Variants in SORCS3 observed in about 807,000 individuals in gnomAD.
SORCS3 encodes sortilin related VPS10 domain containing receptor 3.
Under a neutral mutation model 146.3 loss-of-function variants are expected in SORCS3, and 57 were observed. The observed-to-expected ratio is 0.39, with a 90% CI of 0.31 to 0.49. The LOEUF is 0.49. Among genes scored for constraint, SORCS3 ranks in the 20% least tolerant of loss-of-function variants. The pLI, the probability that SORCS3 is intolerant of heterozygous loss-of-function variation, is 0.92. For synonymous variants in SORCS3, 653 were observed against 618.5 expected (o/e 1.06, Z -0.83); for missense variants, 1,341 against 1,575.5 (o/e 0.85, Z 2.52).
intron 1 of SORCS3, among the ~76,000 whole-genome samples, chr10:104,712,568 A>AC (rs2016431421): frequency 1.3e-5 from 2 of 152,208 alleles, no homozygotes; most frequent in Non-Finnish European, 2.9e-5. Context: ...CTTTCTTGTC[A>AC]TAGGTGAGCT....
chr10:104,867,949 G>GCACTAATGAGGGGTGGTATT (rs2018478209), intron 2 of SORCS3, among the ~76,000 whole-genome samples: 1 of 152,198 alleles, frequency 6.6e-6, no homozygotes, highest in Non-Finnish European at 1.5e-5. Flanking sequence ...ATCAAATGCA[G>GCACTAATGAGGGGTGGTATT]CACTAATGAG....
At chr10:105,195,778 G>A (rs1035842068) in intron 14 of SORCS3, among the ~76,000 whole-genome samples, 2 of 152,166 alleles carry the variant, frequency 1.3e-5, no homozygotes, top group African/African-American at 4.8e-5. Flanking sequence ...GTTGCTAGGG[G>A]ATTTTACCCC....
rs1333623081 is a variant in SORCS3, at chr10:105,235,472, T to G, written c.2869-10070T>G. 2.1e-5 allele frequency among the ~76,000 whole-genome samples: 3 copies of G among 144,562 alleles called. No homozygotes were observed. In the East Asian group the frequency reaches 6.3e-4, roughly 30 times the overall value. The allele number at this position is 144,562 out of a possible 152,430, so 94.8% of individuals were successfully genotyped here. On this transcript the variant is annotated intron_variant, in intron 20 of 26. Coordinates refer to ENST00000369701, the MANE Select transcript of SORCS3 (RefSeq NM_014978.3). The stretch of plus-strand genomic sequence containing the variant: ...TGTGTGTGTGTGTGTGTGTGTGTGT[T>G]TTGAAAACTCTGGTTTTTTTTTTTT...
intron 1 of SORCS3, among the ~76,000 whole-genome samples, chr10:104,715,038 T>G (rs765563823): frequency 3.0e-4 from 46 of 152,226 alleles, no homozygotes; most frequent in Non-Finnish European, 6.5e-4. Context: ...TGCTTGGTAC[T>G]CCATACCAAT....
At chr10:105,159,122 G>T in intron 11 of SORCS3, 128 bp downstream of exon 11, 1 of 626,096 alleles carries the variant, frequency 1.6e-6, no homozygotes. Context: ...CAGAAAATAT[G>T]CAGGGTTCCT....
intron 4 of SORCS3, among the ~76,000 whole-genome samples, chr10:105,010,179 T>C (rs1450931807): frequency 6.6e-6 from 1 of 152,190 alleles, no homozygotes; most frequent in Non-Finnish European, 1.5e-5. Flanking sequence ...GGTAATGATA[T>C]GTACTCCACA....
At chr10:105,095,091 C>T (rs2055736576) in intron 6 of SORCS3, among the ~76,000 whole-genome samples, 1 of 152,106 alleles carries the variant, frequency 6.6e-6, no homozygotes, top group South Asian at 2.1e-4. Flanking sequence ...GTCACTTCAC[C>T]TTCCGTTCTA....
At chr10:104,960,472 G>C (rs1404408259) in intron 3 of SORCS3, among the ~76,000 whole-genome samples, 3 of 152,090 alleles carry the variant, frequency 2.0e-5, no homozygotes, top group Admixed American at 2.0e-4. Context: ...TGCTGGTGGG[G>C]ACCCTAAGCA....
chr10:105,242,410 TTA>T (rs1313492402), intron 20 of SORCS3, among the ~76,000 whole-genome samples: 18 of 102,272 alleles, frequency 1.8e-4, no homozygotes, highest in Admixed American at 1.5e-3. Flanking sequence ...ATACATATAT[TTA>T]TATATATTTA....
chr10:104,851,948 T>G (rs549213371), intron 2 of SORCS3, among the ~76,000 whole-genome samples: 1 of 152,336 alleles, frequency 6.6e-6, no homozygotes, highest in South Asian at 2.1e-4. Context: ...CTCCTCCCTG[T>G]TACACGTCTG....
chr10:104,882,584 A>G (rs1432826292), intron 2 of SORCS3, among the ~76,000 whole-genome samples: 2 of 152,206 alleles, frequency 1.3e-5, no homozygotes, highest in Non-Finnish European at 2.9e-5. Flanking sequence ...CCTGAGGCCC[A>G]CAGAGAGAGA....
At chr10:105,149,021 C>G (rs970030749) in intron 9 of SORCS3, among the ~76,000 whole-genome samples, 3 of 152,102 alleles carry the variant, frequency 2.0e-5, no homozygotes, top group Non-Finnish European at 2.9e-5. Flanking sequence ...AACTTCCTCA[C>G]TTCCTCTCTC....
chr10:104,691,968 C>T (rs2016118815), intron 1 of SORCS3, among the ~76,000 whole-genome samples: 1 of 152,112 alleles, frequency 6.6e-6, no homozygotes, highest in Non-Finnish European at 1.5e-5. Context: ...TCCTTTTATA[C>T]TTTACCTTCC....
intron 2 of SORCS3, among the ~76,000 whole-genome samples, chr10:104,904,351 G>A (rs1045207600): frequency 6.6e-6 from 1 of 152,188 alleles, no homozygotes; most frequent in African/African-American, 2.4e-5. Flanking sequence ...AGACTGGCCA[G>A]AGTATGTCTG....
chr10:105,263,718 C>T lies in SORCS3; in HGVS notation c.*344C>T. On this transcript the variant is annotated 3_prime_UTR_variant, in exon 27 of 27. Transcript: ENST00000369701. ...GGTTGGCTCTTTGTGAACCTCTCATCCCCACAGCAGAATCACCAACACTCT... is the reference window on the plus strand; with the variant it reads ...GGTTGGCTCTTTGTGAACCTCTCATTCCCACAGCAGAATCACCAACACTCT... 7.7e-6 allele frequency: 2 copies of T among 259,640 alleles called. No individual in the cohort carries two copies. Among genetic ancestry groups the T allele is most frequent in the Admixed American group, 4.9e-5 (1 of 20,422 alleles). 16.1% of individuals were successfully genotyped at this position (259,640 alleles called of 1,614,324 possible). A position where few individuals can be genotyped will look rare whatever the true frequency, so the allele number is the denominator to read the frequency against.
intron 1 of SORCS3, among the ~76,000 whole-genome samples, chr10:104,687,090 C>G (rs1467032621): frequency 6.6e-6 from 1 of 152,184 alleles, no homozygotes; most frequent in Non-Finnish European, 1.5e-5. Flanking sequence ...TCCATGCATC[C>G]ATGCATTCAT....
At chr10:105,022,957 T>A (rs1264324855) in intron 4 of SORCS3, among the ~76,000 whole-genome samples, 2 of 152,060 alleles carry the variant, frequency 1.3e-5, no homozygotes, top group Non-Finnish European at 1.5e-5. Flanking sequence ...TAAAAAAAAA[T>A]AAGAGTGGGA....
In SORCS3 at chr10:104,982,022, A is replaced by G. The variant is rs150764429; in HGVS notation, c.954+4529A>G. Among the ~76,000 whole-genome samples the G allele has an allele frequency of 2.0e-5, 3 of 152,308 alleles. No homozygotes were observed. The East Asian group carries it at 5.8e-4, about 29-fold the overall frequency. On this transcript the variant is annotated intron_variant, in intron 4 of 26. Transcript: ENST00000369701. The stretch of plus-strand genomic sequence containing the variant: ...ACTTTCTGAAATGCTAGCACACATA[A>G]TGAAGGGTTGCTGTTATAGTATTAA...
At chr10:104,973,643 A>C (rs7903652) in intron 3 of SORCS3, among the ~76,000 whole-genome samples, 72,220 of 147,804 alleles carry the variant, frequency 0.49, 21,425 homozygotes, top group African/African-American at 0.85. Context: ...TTTCAAAAAA[A>C]CAGCTCCTGG....
Sources: allele counts gnomAD v4.1 joint callset (sites outside exome capture counted in the v4.1 genomes callset), GRCh38; gene constraint gnomAD v4.1.1; transcripts MANE v1.5; gene names NCBI Gene and HGNC (gene_info 2026-07-23, HGNC 2026-07-21).